The following NUP85 variants were observed in gnomAD, a reference collection of about 807,000 sequenced individuals.
The protein encoded by NUP85 is nucleoporin 85.
NUP85 carries 23 observed loss-of-function variants against 92.8 expected under a neutral mutation model. The observed-to-expected ratio is 0.25, with a 90% CI of 0.18 to 0.35. The LOEUF is 0.35. NUP85 is among the 10% of genes least tolerant of loss of function. The pLI, the probability that NUP85 is intolerant of heterozygous loss-of-function variation, is 1.00. For missense variants in NUP85, 759 were observed against 822.8 expected (o/e 0.92, Z 0.95); for synonymous variants, 314 against 306.9 (o/e 1.02, Z -0.24).
At chr17:75,205,897 G>A in intron 1 of NUP85, 103 bp downstream of exon 1, 2 of 1,350,122 alleles carry the variant, frequency 1.5e-6, no homozygotes, top group Middle Eastern at 1.8e-4. Context: ...CGAGGCGCTC[G>A]TCCCCTTCCC....
Position 75,211,379 on chromosome 17 carries a change from A to G in NUP85, c.291-613A>G, listed in dbSNP as rs546583432. 3.5e-3 allele frequency among the ~76,000 whole-genome samples: 526 copies of G among 151,756 alleles called. 2 individuals are homozygous for G. Among genetic ancestry groups the G allele is most frequent in the African/African-American group, 0.012 (496 of 41,376 alleles). On this transcript the variant is annotated intron_variant, in intron 3 of 18. Coordinates refer to ENST00000245544, the MANE Select transcript of NUP85 (RefSeq NM_024844.5). ...ATCTATTGTCACTTCTAGGAAAAAA[A>G]CATGTCAAAAGTCCTGTAATTCCTT...
intron 16 of NUP85, among the ~76,000 whole-genome samples, chr17:75,234,086 CTG>C (rs891805532): frequency 1.9e-4 from 27 of 139,900 alleles, no homozygotes; most frequent in East Asian, 4.2e-4. Flanking sequence ...GAGTCTCACT[CTG>C]TCGCCCACGC....
intron 17 of NUP85, 117 bp from the exon 18 acceptor site, chr17:75,234,983 T>C: frequency 9.5e-7 from 1 of 1,049,140 alleles, no homozygotes; most frequent in East Asian, 2.4e-5. Flanking sequence ...GGTATTCGTA[T>C]ACAAAGCACA....
chr17:75,230,045 T>TTA (rs2145395239), intron 11 of NUP85, among the ~76,000 whole-genome samples: 1 of 17,428 alleles, frequency 5.7e-5, no homozygotes, highest in South Asian at 6.1e-3. Context: ...GTGTACAAAA[T>TTA]TTTTTTTTTT....
chr17:75,230,742 G>A lies in NUP85; in HGVS notation c.1095-598G>A, dbSNP rs571667688. Among the ~76,000 whole-genome samples, 3 of 152,248 alleles carry A rather than the reference G, an allele frequency of 2.0e-5. No homozygotes were observed. The South Asian group carries it at 6.2e-4, about 32-fold the overall frequency. On this transcript the variant is annotated intron_variant, in intron 11 of 18. Transcript: ENST00000245544. ...TCACATAGTGACCCTTTTGGTGTGC[G>A]TGTGGTGAGAACATTCAAAAGCTAC...
intron 7 of NUP85, among the ~76,000 whole-genome samples, chr17:75,221,339 G>C (rs965370718): frequency 6.6e-6 from 1 of 150,798 alleles, no homozygotes; most frequent in Non-Finnish European, 1.5e-5. Flanking sequence ...GGGTTTTGCT[G>C]TTTTGGCCAG....
Position 75,234,671 on chromosome 17 carries a change from G to A in NUP85, c.1650G>A (p.Glu550=). ...KYREFHRMYG[E]KRFADAASLL... The stretch of plus-strand genomic sequence containing the variant: ...GCGAGTTCCACCGTATGTACGGGGA[G>A]AAGCGTTTTGCCGACGCAGCTTCTC... Residue 550 remains glutamate (E), a synonymous_variant, in exon 17 of 19, where the codon GAG becomes GAA. Transcript: ENST00000245544. 6.2e-7 allele frequency: 1 copy of A among 1,614,242 alleles called. No homozygotes were observed. The highest frequency in any genetic ancestry group is 2.2e-5 in the East Asian group (1 of 44,866).
rs566717026 is a variant in NUP85, at chr17:75,223,932, A to C, written c.598-1171A>C. On this transcript the variant is annotated intron_variant, in intron 7 of 18. Coordinates refer to ENST00000245544, the MANE Select transcript of NUP85 (RefSeq NM_024844.5). ...TTTCAGCTTGATGTGATAAGATGAT[A>C]GTCTTACGTGTAGACTCATCTCATG... Among the ~76,000 whole-genome samples the C allele has an allele frequency of 3.9e-5, 6 of 152,318 alleles. No homozygotes were observed. In the East Asian group the frequency reaches 9.6e-4, roughly 24 times the overall value.
At chr17:75,229,428 G>A (rs561522984) in intron 11 of NUP85, among the ~76,000 whole-genome samples, 4 of 152,280 alleles carry the variant, frequency 2.6e-5, no homozygotes, top group East Asian at 3.9e-4. Flanking sequence ...ACCGTAGCTG[G>A]TCTTCCCAAC....
chr17:75,215,465 C>T (rs548605881), intron 5 of NUP85, among the ~76,000 whole-genome samples: 2 of 152,332 alleles, frequency 1.3e-5, no homozygotes, highest in East Asian at 1.9e-4. Context: ...CTGCCTTGGC[C>T]TCCCAAAGTG....
intron 4 of NUP85, among the ~76,000 whole-genome samples, chr17:75,212,322 G>T (rs1331722169): frequency 8.1e-6 from 1 of 122,810 alleles, no homozygotes; most frequent in East Asian, 2.6e-4. Context: ...AGGCTGAGGT[G>T]CTGTGGCATG....
chr17:75,214,416 G>A (rs1324960048), intron 5 of NUP85, among the ~76,000 whole-genome samples: 3 of 152,154 alleles, frequency 2.0e-5, no homozygotes, highest in African/African-American at 2.4e-5. Flanking sequence ...GGGCTTTCCC[G>A]TTAATAGACT....
At chr17:75,222,860 C>G (rs1269855756) in intron 7 of NUP85, among the ~76,000 whole-genome samples, 1 of 151,632 alleles carries the variant, frequency 6.6e-6, no homozygotes, top group African/African-American at 2.4e-5. Flanking sequence ...ACAGTGAAAC[C>G]CCGTCTCTAC....
intron 9 of NUP85, 40 bp from the exon 10 acceptor site, chr17:75,225,658 T>C: frequency 6.2e-7 from 1 of 1,611,686 alleles, no homozygotes; most frequent in South Asian, 1.1e-5. Context: ...AAGGTACCCC[T>C]GAGAGGAGGA....
In NUP85 at chr17:75,210,087, A is replaced by T; in HGVS notation, c.290+102A>T. On this transcript the variant is annotated intron_variant, in intron 3 of 18. Coordinates refer to ENST00000245544, the MANE Select transcript of NUP85 (RefSeq NM_024844.5). ...GTGTGTTTTATGGGTTGCGTAAAGAAATAAGAGACTCCTGGTTCTAGTTGA... is the reference window on the plus strand; with the variant it reads ...GTGTGTTTTATGGGTTGCGTAAAGATATAAGAGACTCCTGGTTCTAGTTGA... The T allele has an allele frequency of 8.7e-6, 10 of 1,146,978 alleles. No individual in the cohort carries two copies. The South Asian group carries it at 1.3e-4, about 15-fold the overall frequency. 71.1% of individuals were successfully genotyped at this position (1,146,978 alleles called of 1,614,324 possible).
At position 75,232,006 on chromosome 17, in the gene NUP85, T is replaced by C. The variant is rs899318; in HGVS notation, c.1396+27T>C. 1 allele frequency: 1,606,920 copies of C among 1,613,084 alleles called. 800,594 individuals are homozygous for C. The highest frequency in any genetic ancestry group is 1 in the East Asian group (44,875 of 44,878). On this transcript the variant is annotated intron_variant, in intron 14 of 18. Coordinates refer to ENST00000245544, the MANE Select transcript of NUP85 (RefSeq NM_024844.5). ...TGAGCTGGCCCTGCTCCCAGCCTAC[T>C]GTCTGTGGGACGCAGGAGTCAGGGG...
At chr17:75,233,630 A>G (rs1004712232) in intron 16 of NUP85, among the ~76,000 whole-genome samples, 5 of 146,210 alleles carry the variant, frequency 3.4e-5, no homozygotes, top group Non-Finnish European at 7.5e-5. Context: ...ACAGAGTCTC[A>G]CTCTGTCACC....
chr17:75,206,576 T>A (rs2075087902), intron 1 of NUP85, among the ~76,000 whole-genome samples: 1 of 152,028 alleles, frequency 6.6e-6, no homozygotes, highest in Non-Finnish European at 1.5e-5. Flanking sequence ...AGGAGGCAAA[T>A]GATTACATTC....
intron 11 of NUP85, chr17:75,228,807 G>C: frequency 1.0e-6 from 1 of 985,324 alleles, no homozygotes; most frequent in Non-Finnish European, 1.2e-6. Flanking sequence ...GTCAATAATC[G>C]TGCCAGACCC....
Sources: allele counts gnomAD v4.1 joint callset (sites outside exome capture counted in the v4.1 genomes callset), GRCh38; gene constraint gnomAD v4.1.1; transcripts MANE v1.5; gene names NCBI Gene and HGNC (gene_info 2026-07-23, HGNC 2026-07-21).